CRTC1: variants seen among roughly 807,000 people sequenced by gnomAD.
The protein encoded by CRTC1 is CREB regulated transcription coactivator 1.
In CRTC1, 18 loss-of-function variants were observed where a neutral mutation model predicts 66.1. The observed-to-expected ratio is 0.27, with a 90% CI of 0.19 to 0.40. The LOEUF is 0.40. Ranked by LOEUF, CRTC1 falls within the 10% of genes least tolerant of loss-of-function variation. CRTC1 has a pLI of 1.00. For missense variants in CRTC1, 669 were observed against 887.9 expected, an observed-to-expected ratio of 0.75 and a Z score of 3.13; for synonymous variants, 416 against 398.8, an observed-to-expected ratio of 1.04 and a Z score of -0.51.
intron 1 of CRTC1, among the ~76,000 whole-genome samples, chr19:18,695,916 C>T (rs10420179): frequency 0.041 from 6,194 of 152,230 alleles, 436 homozygotes; most frequent in African/African-American, 0.14. Flanking sequence ...GGATGGCCCC[C>T]ACCACAGGGA....
chr19:18,778,283 A>C lies in CRTC1; in HGVS notation c.*901A>C. 2.1e-5 allele frequency: 5 copies of C among 232,700 alleles called. No individual in the cohort carries two copies. Among genetic ancestry groups the C allele is most frequent in the Non-Finnish European group, 3.4e-5 (4 of 117,800 alleles). 14.4% of individuals were successfully genotyped at this position (232,700 alleles called of 1,614,324 possible). A position where few individuals can be genotyped will look rare whatever the true frequency, so the allele number is the denominator to read the frequency against. ...AGGCAGAGGTGGCCAGGGGAGTTTC[A>C]TTGTGGTTTTTTTTTCCTTTTAGTT... On this transcript the variant is annotated 3_prime_UTR_variant, in exon 14 of 14. Coordinates refer to ENST00000321949, the MANE Select transcript of CRTC1 (RefSeq NM_015321.3).
rs532568662 is a variant in CRTC1 at position 18,736,550 on chromosome 19, G to A, written c.127-6360G>A. Among the ~76,000 whole-genome samples, 110 of 152,188 alleles carry A rather than the reference G, an allele frequency of 7.2e-4. 1 individual carries two copies. In the South Asian group the frequency reaches 7.2e-3, roughly 10 times the overall value. On this transcript the variant is annotated intron_variant, in intron 1 of 13. Transcript: ENST00000321949. ...AGGGCGGCCCCTTGGAGGAGGCTCA[G>A]TGCTGGGCAGCGGTGGGCCCAGGGG... is the stretch of plus-strand genomic sequence containing the variant.
At position 18,745,930 on chromosome 19, in the gene CRTC1, G is replaced by A. The variant is rs768014996; in HGVS notation, c.351G>A (p.Arg117=). The change falls in exon 3 of 14, where the codon CGG becomes CGA. Residue 117 remains arginine (R), a synonymous_variant. Coordinates refer to ENST00000321949, the MANE Select transcript of CRTC1 (RefSeq NM_015321.3). ...ERGRLGSPHR[R]PLSVDKHGRQ... ...GCCGGCTCGGCTCCCCACACCGCCG[G>A]CCCCTGTCAGTGGACAAACACGGAC... is the stretch of plus-strand genomic sequence containing the variant. 1.2e-6 allele frequency: 2 copies of A among 1,612,488 alleles called. No individual in the cohort carries two copies. Among genetic ancestry groups the A allele is most frequent in the Non-Finnish European group, 1.7e-6 (2 of 1,179,276 alleles).
intron 1 of CRTC1, among the ~76,000 whole-genome samples, chr19:18,717,401 T>C (rs1296801800): frequency 6.6e-6 from 1 of 152,060 alleles, no homozygotes; most frequent in Non-Finnish European, 1.5e-5. Flanking sequence ...AGGGCATCCC[T>C]GGAGCCCTTG....
chr19:18,746,430 G>A (rs10420509), intron 3 of CRTC1, among the ~76,000 whole-genome samples: 195 of 152,240 alleles, frequency 1.3e-3, no homozygotes, highest in African/African-American at 4.6e-3. Flanking sequence ...TGTAAGACAG[G>A]AGTAAAATTC....
intron 1 of CRTC1, among the ~76,000 whole-genome samples, chr19:18,687,080 A>ATC (rs1288218702): frequency 1.4e-5 from 2 of 147,522 alleles, no homozygotes; most frequent in Non-Finnish European, 3.0e-5. Flanking sequence ...CAGTGGCGCA[A>ATC]TCTCGGCTCA....
chr19:18,780,961 C>T lies in CRTC1; in HGVS notation c.*3579C>T, dbSNP rs959695770. 4.5e-6 allele frequency: 1 copy of T among 223,526 alleles called. No individual in the cohort carries two copies. The highest frequency in any genetic ancestry group is 8.9e-6 in the Non-Finnish European group (1 of 112,088). 13.8% of individuals were successfully genotyped at this position (223,526 alleles called of 1,614,324 possible). On this transcript the variant is annotated 3_prime_UTR_variant, in exon 14 of 14. Transcript: ENST00000321949. ...GGCTGCGACCTGCTTCCTGAGTTTT[C>T]TGTATTTCCAAGGAGCCCTCCGACC...
At chr19:18,684,184 C>T (rs1017812257) in intron 1 of CRTC1, among the ~76,000 whole-genome samples, 8 of 151,966 alleles carry the variant, frequency 5.3e-5, no homozygotes, top group African/African-American at 1.9e-4. Context: ...CCGAGGGGGA[C>T]AGGTGCCCCA....
chr19:18,698,068 A>C (rs2053035232), intron 1 of CRTC1, among the ~76,000 whole-genome samples: 1 of 151,304 alleles, frequency 6.6e-6, no homozygotes, highest in Non-Finnish European at 1.5e-5. Flanking sequence ...TGCAGTGTGT[A>C]CTCAGCAGGT....
At chr19:18,732,623 A>T (rs2053915603) in intron 1 of CRTC1, among the ~76,000 whole-genome samples, 1 of 152,160 alleles carries the variant, frequency 6.6e-6, no homozygotes, top group South Asian at 2.1e-4. Flanking sequence ...ACTGAGTCCC[A>T]GATGATGAAT....
At chr19:18,736,178 G>A (rs750313235) in intron 1 of CRTC1, among the ~76,000 whole-genome samples, 2 of 152,120 alleles carry the variant, frequency 1.3e-5, no homozygotes, top group Non-Finnish European at 2.9e-5. Flanking sequence ...CCCCGCCTGC[G>A]GCTGCTGGGA....
chr19:18,747,184 C>CATGTGG, intron 4 of CRTC1, 70 bp downstream of exon 4: 1 of 1,172,882 alleles, frequency 8.5e-7, no homozygotes, highest in African/African-American at 1.6e-5. Context: ...ATCATGGTTA[C>CATGTGG]ATGTGGAAAA....
intron 1 of CRTC1, among the ~76,000 whole-genome samples, chr19:18,728,461 G>A (rs943116132): frequency 2.0e-5 from 3 of 152,120 alleles, no homozygotes; most frequent in Non-Finnish European, 4.4e-5. Context: ...AAAAGCAGTC[G>A]TAACATCACA....
rs200115474 is a variant in CRTC1 at position 18,685,366 on chromosome 19, AT to A, written c.126+1539del. Among the ~76,000 whole-genome samples, 911 of 151,686 alleles carry A rather than the reference AT, an allele frequency of 6.0e-3. 63 individuals are homozygous for A. In the East Asian group the frequency reaches 0.15, roughly 25 times the overall value. On this transcript the variant is annotated intron_variant, in intron 1 of 13. Transcript: ENST00000321949. Reference sequence around the variant, plus strand: ...TGGTGAATGAATGAATGAAAAAAAAATAAGAAAATGGCCAGGTGTGGTGGCT... The same window carrying A: ...TGGTGAATGAATGAATGAAAAAAAAAAAGAAAATGGCCAGGTGTGGTGGCT...
At chr19:18,731,556 G>T (rs1056123398) in intron 1 of CRTC1, among the ~76,000 whole-genome samples, 1 of 152,180 alleles carries the variant, frequency 6.6e-6, no homozygotes, top group Non-Finnish European at 1.5e-5. Context: ...GGTTTTGGTG[G>T]ACATGAGTTT....
At chr19:18,725,646 C>T (rs2053733564) in intron 1 of CRTC1, among the ~76,000 whole-genome samples, 1 of 152,144 alleles carries the variant, frequency 6.6e-6, no homozygotes, top group African/African-American at 2.4e-5. Flanking sequence ...CCTGGCCGTC[C>T]TTGGCGCCAG....
chr19:18,744,106 A>T, intron 2 of CRTC1: 1 of 1,613,130 alleles, frequency 6.2e-7, no homozygotes, highest in Admixed American at 1.7e-5. Context: ...TTGCATTTTC[A>T]GCCCAGCGGA....
chr19:18,740,027 C>G (rs1340672630), intron 1 of CRTC1, among the ~76,000 whole-genome samples: 2 of 151,820 alleles, frequency 1.3e-5, no homozygotes, highest in African/African-American at 4.8e-5. Context: ...CTGAGGCGGG[C>G]GAATCTCTTG....
rs2055072945 is a variant in CRTC1, at chr19:18,780,013, C to T, written c.*2631C>T. On this transcript the variant is annotated 3_prime_UTR_variant, in exon 14 of 14. Coordinates refer to ENST00000321949, the MANE Select transcript of CRTC1 (RefSeq NM_015321.3). ...GTACGTGTGGTTTTTTTAAATATCACTACTACATATTCTTGAATTGCCAAG... is the reference window on the plus strand; with the variant it reads ...GTACGTGTGGTTTTTTTAAATATCATTACTACATATTCTTGAATTGCCAAG... 4.4e-6 allele frequency: 1 copy of T among 229,506 alleles called. No homozygotes were observed. Among genetic ancestry groups the T allele is most frequent in the Non-Finnish European group, 8.6e-6 (1 of 115,920 alleles). 14.2% of individuals were successfully genotyped at this position (229,506 alleles called of 1,614,324 possible). A position where few individuals can be genotyped will look rare whatever the true frequency, so the allele number is the denominator to read the frequency against.
Sources: allele counts gnomAD v4.1 joint callset (sites outside exome capture counted in the v4.1 genomes callset), GRCh38; gene constraint gnomAD v4.1.1; transcripts MANE v1.5; gene names NCBI Gene and HGNC (gene_info 2026-07-23, HGNC 2026-07-21).